The following HDAC9 variants were observed in gnomAD, a reference collection of about 807,000 sequenced individuals.
The protein encoded by HDAC9 is histone deacetylase 9.
HDAC9 carries 41 observed loss-of-function variants against 139.4 expected under a neutral mutation model. That is an observed-to-expected ratio of 0.29 (90% CI 0.23 to 0.38). The LOEUF is 0.38. Among genes scored for constraint, HDAC9 ranks in the 10% least tolerant of loss-of-function variants. HDAC9 has a pLI of 1.00. For synonymous variants in HDAC9, 517 were observed against 476.2 expected (o/e 1.09, Z -1.12); for missense variants, 1,147 against 1,297.0 (o/e 0.88, Z 1.78).
At chr7:18,243,291 C>G (rs976854106) in intron 2 of HDAC9, among the ~76,000 whole-genome samples, 1 of 152,204 alleles carries the variant, frequency 6.6e-6, no homozygotes, top group Non-Finnish European at 1.5e-5. Context: ...TCTTGACTTC[C>G]TTTTCTTTGG....
At chr7:18,458,347 A>C (rs1215907067) in intron 1 of HDAC9, among the ~76,000 whole-genome samples, 1 of 152,198 alleles carries the variant, frequency 6.6e-6, no homozygotes, top group East Asian at 1.9e-4. Context: ...ACTATGGCTA[A>C]TGCTTCTGAT....
intron 1 of HDAC9, among the ~76,000 whole-genome samples, chr7:18,380,218 C>T (rs972044514): frequency 6.6e-5 from 10 of 151,854 alleles, no homozygotes; most frequent in Non-Finnish European, 1.2e-4. Flanking sequence ...AATGGGTTAA[C>T]GTATATCTTA....
chr7:18,691,652 A>G (rs756673846), intron 12 of HDAC9, among the ~76,000 whole-genome samples: 2 of 152,060 alleles, frequency 1.3e-5, no homozygotes, highest in Non-Finnish European at 2.9e-5. Context: ...TTTATCTTTG[A>G]TTAATTTTAA....
intron 1 of HDAC9, among the ~76,000 whole-genome samples, chr7:18,118,211 T>G (rs1390093281): frequency 5.3e-5 from 8 of 152,210 alleles, no homozygotes; most frequent in Admixed American, 2.6e-4. Context: ...AGTAATCACA[T>G]TTCTCTATGA....
At chr7:18,623,103 C>T (rs1348547974) in intron 6 of HDAC9, among the ~76,000 whole-genome samples, 4 of 151,182 alleles carry the variant, frequency 2.6e-5, no homozygotes, top group Non-Finnish European at 1.5e-5. Context: ...GAGATCATCC[C>T]ACTGCACTCC....
At chr7:18,945,988 G>C (rs1398915492) in intron 23 of HDAC9, among the ~76,000 whole-genome samples, 1 of 121,000 alleles carries the variant, frequency 8.3e-6, no homozygotes, top group African/African-American at 3.2e-5. Context: ...ATTGAGCCGA[G>C]ATAGCACCAC....
chr7:18,614,024 T>C (rs1319017716), intron 6 of HDAC9, among the ~76,000 whole-genome samples: 4 of 152,096 alleles, frequency 2.6e-5, no homozygotes, highest in Non-Finnish European at 4.4e-5. Flanking sequence ...ACTTTTCTAT[T>C]TCAATTGTCA....
chr7:18,329,846 C>A (rs1435312898), intron 1 of HDAC9, among the ~76,000 whole-genome samples: 1 of 151,724 alleles, frequency 6.6e-6, no homozygotes, highest in African/African-American at 2.4e-5. Context: ...GCCTGGCCCC[C>A]AGAAGTACTG....
intron 21 of HDAC9, among the ~76,000 whole-genome samples, chr7:18,848,587 C>T (rs550895566): frequency 2.6e-5 from 4 of 152,012 alleles, no homozygotes; most frequent in African/African-American, 4.8e-5. Context: ...CCCAACCATC[C>T]TGGCACACTG....
chr7:18,892,898 T>A (rs1171938672), intron 22 of HDAC9, among the ~76,000 whole-genome samples: 1 of 152,028 alleles, frequency 6.6e-6, no homozygotes, highest in East Asian at 1.9e-4. Context: ...TAATTAATAC[T>A]GAGTTTAAGG....
At chr7:18,566,510 C>A (rs1016336556) in intron 2 of HDAC9, among the ~76,000 whole-genome samples, 25 of 152,178 alleles carry the variant, frequency 1.6e-4, no homozygotes, top group African/African-American at 6.0e-4. Context: ...AAAAGTAAAT[C>A]ACACACACAT....
At chr7:18,577,494 T>C (rs112509600) in intron 2 of HDAC9, among the ~76,000 whole-genome samples, 6 of 152,176 alleles carry the variant, frequency 3.9e-5, no homozygotes, top group South Asian at 4.1e-4. Context: ...ACAAATAACA[T>C]AGGACATTAT....
At chr7:18,414,893 G>A (rs1459319988) in intron 1 of HDAC9, among the ~76,000 whole-genome samples, 3 of 152,080 alleles carry the variant, frequency 2.0e-5, no homozygotes, top group Admixed American at 6.6e-5. Flanking sequence ...TTTTTGTAGA[G>A]AATACTCTTA....
intron 21 of HDAC9, among the ~76,000 whole-genome samples, chr7:18,872,718 C>G (rs184685417): frequency 6.6e-6 from 1 of 152,094 alleles, no homozygotes; most frequent in Admixed American, 6.6e-5. Context: ...TCTTGTACTT[C>G]AAAAGTATGC....
intron 2 of HDAC9, among the ~76,000 whole-genome samples, chr7:18,281,047 C>T (rs1419862472): frequency 6.6e-6 from 1 of 152,160 alleles, no homozygotes; most frequent in Non-Finnish European, 1.5e-5. Context: ...CTTCCCCTCT[C>T]CTTGACACTT....
chr7:18,142,503 G>GGGA (rs1785978417), intron 1 of HDAC9, among the ~76,000 whole-genome samples: 1 of 152,200 alleles, frequency 6.6e-6, no homozygotes, highest in African/African-American at 2.4e-5. Context: ...CATCTGTTCT[G>GGGA]TTGTTACTGG....
At chr7:18,296,468 C>T (rs1798157646) in intron 1 of HDAC9, among the ~76,000 whole-genome samples, 1 of 151,454 alleles carries the variant, frequency 6.6e-6, no homozygotes, top group Non-Finnish European at 1.5e-5. Context: ...CTCTTAGATA[C>T]CTATAACTAA....
chr7:18,718,377 G>A (rs1332373607), intron 12 of HDAC9, among the ~76,000 whole-genome samples: 4 of 152,062 alleles, frequency 2.6e-5, no homozygotes, highest in Admixed American at 2.6e-4. Flanking sequence ...GATTACAGGT[G>A]CACGGTGCCA....
chr7:18,494,999 A>T (rs1796683787), upstream of HDAC9, among the ~76,000 whole-genome samples: 1 of 152,084 alleles, frequency 6.6e-6, no homozygotes, highest in South Asian at 2.1e-4. Flanking sequence ...GATGCGATAA[A>T]ATTCATAGGT....
Sources: allele counts gnomAD v4.1 joint callset (sites outside exome capture counted in the v4.1 genomes callset), GRCh38; gene constraint gnomAD v4.1.1; transcripts MANE v1.5; gene names NCBI Gene and HGNC (gene_info 2026-07-23, HGNC 2026-07-21).